The following PKD1L1 variants were observed in gnomAD, a reference collection of about 807,000 sequenced individuals.
PKD1L1 encodes the protein polycystin-1-like protein 1.
PKD1L1 carries 236 observed loss-of-function variants against 323.4 expected under a neutral mutation model. The ratio of observed to expected loss-of-function variants is 0.73; its 90% CI spans 0.66 to 0.81. The LOEUF (loss-of-function observed/expected upper bound fraction) is 0.81, where lower values mean the gene tolerates loss of function less well. Ranked by LOEUF, PKD1L1 falls within the 40% of genes least tolerant of loss-of-function variation. PKD1L1 has a pLI of 0.00. For missense variants in PKD1L1, 3,320 were observed against 3,508.0 expected (o/e 0.95, Z 1.35); for synonymous variants, 1,344 against 1,335.0 (o/e 1.01, Z -0.15).
chr7:47,922,635 C>T (rs988636506), intron 7 of PKD1L1, among the ~76,000 whole-genome samples: 2 of 151,696 alleles, frequency 1.3e-5, no homozygotes, highest in African/African-American at 2.4e-5. Context: ...CGTCTCTGAC[C>T]GGCCGCCCCG....
intron 13 of PKD1L1, among the ~76,000 whole-genome samples, chr7:47,900,902 G>T (rs146186623): frequency 6.8e-4 from 104 of 152,128 alleles, no homozygotes; most frequent in African/African-American, 2.4e-3. Context: ...CTGCAACCCA[G>T]GTTTGTGACA....
At chr7:47,872,120 C>A (rs1272792944) in intron 24 of PKD1L1, among the ~76,000 whole-genome samples, 1 of 152,178 alleles carries the variant, frequency 6.6e-6, no homozygotes, top group Non-Finnish European at 1.5e-5. Context: ...ACAGACTTGA[C>A]AAATCCCTAT....
chr7:47,926,038 A>G (rs977468640), intron 7 of PKD1L1, among the ~76,000 whole-genome samples: 14 of 152,228 alleles, frequency 9.2e-5, no homozygotes, highest in Non-Finnish European at 1.8e-4. Context: ...AGGCTGTAGG[A>G]TCACTTGAGG....
At chr7:47,929,653 C>T in intron 6 of PKD1L1, 127 bp from the exon 7 acceptor site, 1 of 827,574 alleles carries the variant, frequency 1.2e-6, no homozygotes, top group East Asian at 2.7e-5. Flanking sequence ...TGATGAAAGG[C>T]TTCACTTCCA....
chr7:47,855,383 G>A (rs1449313279), intron 28 of PKD1L1, 118 bp from the exon 29 acceptor site: 3 of 622,566 alleles, frequency 4.8e-6, no homozygotes, highest in Admixed American at 3.1e-5. Context: ...TTATATGCCT[G>A]ATATTAGAAG....
intron 16 of PKD1L1, among the ~76,000 whole-genome samples, chr7:47,889,992 G>T (rs763389730): frequency 2.6e-5 from 4 of 152,208 alleles, no homozygotes; most frequent in African/African-American, 4.8e-5. Flanking sequence ...CCTGTGTTTG[G>T]TGTCCGGGGG....
intron 42 of PKD1L1, 24 bp downstream of exon 42, chr7:47,831,193 T>C (rs1362922231): frequency 1.2e-6 from 2 of 1,602,902 alleles, no homozygotes; most frequent in Non-Finnish European, 1.7e-6. Flanking sequence ...GACCTGAGGA[T>C]GTTTGAAAAA....
intron 3 of PKD1L1, among the ~76,000 whole-genome samples, 195 bp downstream of exon 3, chr7:47,939,998 C>T (rs1306420906): frequency 3.9e-5 from 6 of 152,256 alleles, no homozygotes; most frequent in Non-Finnish European, 2.9e-5. Flanking sequence ...CCTGCCTGCA[C>T]TTCTTATATG....
In PKD1L1 at chr7:47,858,748, G is replaced by C. The variant is rs774359449; in HGVS notation, c.4287C>G (p.Val1429=). The change falls in exon 27 of 57, where the codon GTC becomes GTG. Residue 1429 remains valine (V), a synonymous_variant. Transcript: ENST00000289672. ...LIGLISRVWE[V]SEQENSKEEV... The stretch of plus-strand genomic sequence containing the variant: ...CCTCCTTCGAGTTTTCTTGCTCAGA[G>C]ACTTCCCAGACTCTGGATATGAGAC... 6.2e-7 allele frequency: 1 copy of C among 1,613,986 alleles called. No homozygotes were observed. Among genetic ancestry groups the C allele is most frequent in the Non-Finnish European group, 8.5e-7 (1 of 1,180,012 alleles).
chr7:47,786,177 T>TAACTAC (rs1435422679), intron 56 of PKD1L1, among the ~76,000 whole-genome samples: 7 of 152,210 alleles, frequency 4.6e-5, no homozygotes, highest in Admixed American at 4.6e-4. Flanking sequence ...AACCTAACTA[T>TAACTAC]AACTACAAAA....
the PKD1L1 span, chr7:47,957,197 G>A: frequency 2.8e-4 from 51 of 180,692 alleles, no homozygotes; most frequent in African/African-American, 9.8e-4. Flanking sequence ...AAATTGCCAC[G>A]CAGAATTGAA....
chr7:47,882,488 A>G (rs760280534), intron 19 of PKD1L1, among the ~76,000 whole-genome samples: 3 of 152,182 alleles, frequency 2.0e-5, no homozygotes, highest in Non-Finnish European at 4.4e-5. Flanking sequence ...AAACTCAGGT[A>G]ATGAAGGAAA....
chr7:47,914,057 G>A (rs1275730286), intron 8 of PKD1L1, among the ~76,000 whole-genome samples: 3 of 152,136 alleles, frequency 2.0e-5, no homozygotes, highest in Non-Finnish European at 2.9e-5. Flanking sequence ...AAGGGAAGAG[G>A]AAGATGGGAA....
intron 26 of PKD1L1, among the ~76,000 whole-genome samples, chr7:47,864,588 C>CT (rs1349418897): frequency 1.1e-5 from 1 of 90,908 alleles, no homozygotes; most frequent in African/African-American, 6.3e-5. Flanking sequence ...TTCTTTCTTT[C>CT]TTTCTTTCTT....
At chr7:47,880,113 T>G (rs560988083) in intron 21 of PKD1L1, among the ~76,000 whole-genome samples, 25 of 149,406 alleles carry the variant, frequency 1.7e-4, no homozygotes, top group Admixed American at 1.1e-3. Flanking sequence ...GTGGGTGAAT[T>G]TCAATGAACA....
chr7:47,873,197 A>G (rs1466545076), intron 24 of PKD1L1, among the ~76,000 whole-genome samples: 2 of 152,180 alleles, frequency 1.3e-5, no homozygotes, highest in African/African-American at 2.4e-5. Flanking sequence ...GTGACTGCTA[A>G]TAAGTCAAGG....
At chr7:47,817,146 G>A (rs563213098) in intron 46 of PKD1L1, among the ~76,000 whole-genome samples, 3 of 152,222 alleles carry the variant, frequency 2.0e-5, no homozygotes, top group South Asian at 2.1e-4. Context: ...CAGGAGAATC[G>A]CTTGAACCCA....
chr7:47,811,552 C>T (rs181124468), intron 50 of PKD1L1, among the ~76,000 whole-genome samples: 22 of 152,340 alleles, frequency 1.4e-4, no homozygotes, highest in Admixed American at 6.5e-5. Context: ...CCAATTCCCC[C>T]GTGATGAATT....
At position 47,898,145 on chromosome 7, in the gene PKD1L1, A is replaced by G; in HGVS notation, c.2114T>C (p.Val705Ala). The G allele has an allele frequency of 6.2e-7, 1 of 1,614,182 alleles. No individual in the cohort carries two copies. The highest frequency in any genetic ancestry group is 8.5e-7 in the Non-Finnish European group (1 of 1,180,034). ...AAGACCTTGGGAAATATCACAGAAG[A>G]CTGCAGCTTCAAACGTCACTCCCAG... ...VRLGVTFEAA[V>A]FCDISQGLSY... is the part of the protein sequence containing the mutation. Residue 705 changes from valine (V) to alanine (A), a missense_variant, in exon 14 of 57, where the codon GTC (valine) becomes GCC (alanine). Val to Ala is a moderately conservative substitution (Grantham distance 64, BLOSUM62 0). Coordinates refer to ENST00000289672, the MANE Select transcript of PKD1L1 (RefSeq NM_138295.5).
Sources: gnomAD v4.1 joint callset for allele counts (sites outside exome capture counted in the v4.1 genomes callset) on GRCh38, gnomAD v4.1.1 for gene constraint, MANE v1.5 for transcripts, NCBI Gene and HGNC (gene_info 2026-07-23, HGNC 2026-07-21) for gene names.